Variants in IQCE observed in about 807,000 individuals in gnomAD.
IQCE encodes IQ motif containing E.
Under a neutral mutation model 96.0 loss-of-function variants are expected in IQCE, and 115 were observed. The ratio of observed to expected loss-of-function variants is 1.20; its 90% CI spans 1.03 to 1.40. The LOEUF (loss-of-function observed/expected upper bound fraction) is 1.40, where lower values mean the gene tolerates loss of function less well. IQCE is among the 40% of genes most tolerant of loss of function. IQCE has a pLI of 0.00. For synonymous variants in IQCE, 412 were observed against 371.2 expected, an observed-to-expected ratio of 1.11 and a Z score of -1.26; for missense variants, 1,041 against 909.1, an observed-to-expected ratio of 1.15 and a Z score of -1.87.
intron 2 of IQCE, among the ~76,000 whole-genome samples, chr7:2,567,506 G>A (rs1048547862): frequency 4.6e-5 from 7 of 152,308 alleles, no homozygotes; most frequent in South Asian, 2.1e-4. Context: ...GGAAGGACCC[G>A]ATGGGAGAAA....
chr7:2,577,336 T>C (rs968037161), intron 6 of IQCE, among the ~76,000 whole-genome samples: 1 of 128,758 alleles, frequency 7.8e-6, no homozygotes, highest in South Asian at 2.2e-4. Flanking sequence ...GTATACACAT[T>C]GGCGTGTGCG....
In IQCE at chr7:2,584,252, C is replaced by T. The variant is rs566140019; in HGVS notation, c.791C>T (p.Thr264Ile). Residue 264 changes from threonine (T) to isoleucine (I), a missense_variant, in exon 11 of 22, where the codon ACC becomes ATC. Physicochemically the swap from Thr to Ile is moderately conservative, Grantham distance 89. Coordinates refer to ENST00000402050, the MANE Select transcript of IQCE (RefSeq NM_152558.5). ...TATTTACAGGTGCATCGTCTCCAGA[C>T]CCTCTTGGCAAGTTCTGAAACCACC... Reference protein sequence around the residue: ...TYYEEVHRLQTLLASSETTGK... With the variant: ...TYYEEVHRLQILLASSETTGK... 6 of 1,613,916 alleles carry T rather than the reference C, an allele frequency of 3.7e-6. No individual in the cohort carries two copies. The highest frequency in any genetic ancestry group is 1.6e-4 in the Middle Eastern group (1 of 6,084).
chr7:2,583,842 C>A, intron 10 of IQCE, 133 bp downstream of exon 10: 1 of 68,066 alleles, frequency 1.5e-5, no homozygotes, highest in East Asian at 5.8e-4. Flanking sequence ...CCGAGCTGGG[C>A]GGCGGGGCGG....
chr7:2,594,788 C>T (rs1471137393), intron 15 of IQCE, 98 bp from the exon 16 acceptor site: 8 of 833,200 alleles, frequency 9.6e-6, no homozygotes, highest in Admixed American at 8.7e-5. Flanking sequence ...CTGGTGTCCC[C>T]CTGTCTCCGC....
chr7:2,594,508 C>T (rs1384107272), intron 15 of IQCE, among the ~76,000 whole-genome samples: 3 of 152,230 alleles, frequency 2.0e-5, no homozygotes, highest in Non-Finnish European at 4.4e-5. Flanking sequence ...GATCCTCTGG[C>T]CTTGGCCTCC....
At chr7:2,576,730 C>G (rs1268515007) in intron 6 of IQCE, among the ~76,000 whole-genome samples, 1 of 152,156 alleles carries the variant, frequency 6.6e-6, no homozygotes. Flanking sequence ...TCCCCACTCA[C>G]GTCACCACAA....
At chr7:2,606,753 C>T (rs556572560) in intron 20 of IQCE, among the ~76,000 whole-genome samples, 22 of 152,296 alleles carry the variant, frequency 1.4e-4, no homozygotes, top group Non-Finnish European at 2.8e-4. Flanking sequence ...CCCTGGGCGG[C>T]GAGCCCCAGC....
At chr7:2,597,496 G>A (rs770658695) in intron 16 of IQCE, among the ~76,000 whole-genome samples, 21 of 152,218 alleles carry the variant, frequency 1.4e-4, no homozygotes, top group Admixed American at 1.1e-3. Context: ...TGCGCCTGGC[G>A]CCTGGCCCGG....
intron 14 of IQCE, 29 bp from the exon 15 acceptor site, chr7:2,592,993 G>T (rs756232542): frequency 1.3e-6 from 2 of 1,568,724 alleles, no homozygotes; most frequent in Non-Finnish European, 1.7e-6. Context: ...TTTTGTGAAC[G>T]CTGACGAGTC....
intron 1 of IQCE, among the ~76,000 whole-genome samples, chr7:2,565,670 G>C (rs778613436): frequency 9.2e-5 from 14 of 152,122 alleles, no homozygotes; most frequent in Non-Finnish European, 1.8e-4. Flanking sequence ...TGTGTGTCCA[G>C]TTCCCGGCCT....
intron 15 of IQCE, among the ~76,000 whole-genome samples, chr7:2,593,761 G>A (rs866272096): frequency 2.0e-5 from 3 of 152,244 alleles, no homozygotes; most frequent in African/African-American, 7.2e-5. Context: ...CTTCCTTTCT[G>A]GGGCGATGTA....
At chr7:2,601,721 T>C (rs1431786570) in intron 18 of IQCE, 1 of 422,294 alleles carries the variant, frequency 2.4e-6, no homozygotes, top group Non-Finnish European at 4.3e-6. Flanking sequence ...AGCTAATTTT[T>C]GTATTTTTAG....
At chr7:2,560,680 G>T (rs1024202087) in intron 1 of IQCE, among the ~76,000 whole-genome samples, 2 of 151,184 alleles carry the variant, frequency 1.3e-5, no homozygotes, top group Non-Finnish European at 2.9e-5. Flanking sequence ...TCTCTTGGCC[G>T]GGCACGGCGG....
At chr7:2,587,348 C>T (rs747868906) in intron 12 of IQCE, among the ~76,000 whole-genome samples, 15 of 150,424 alleles carry the variant, frequency 1.0e-4, no homozygotes, top group African/African-American at 1.5e-4. Flanking sequence ...TTAGGTGGAT[C>T]GAGTGAGGTC....
rs961729042 is a variant in IQCE, at chr7:2,559,225, C to G, written c.36+8C>G. ...GAGCCGGCCTTGGACACGGTAAGAA[C>G]GGGCGAGGGGGCGACGCCGGGCGGG... is the stretch of plus-strand genomic sequence containing the variant. On this transcript the variant is annotated splice_region_variant and intron_variant, in intron 1 of 21. Coordinates refer to ENST00000402050, the MANE Select transcript of IQCE (RefSeq NM_152558.5). 2 of 1,203,542 alleles carry G rather than the reference C, an allele frequency of 1.7e-6. No individual in the cohort carries two copies. The highest frequency in any genetic ancestry group is 3.2e-5 in the African/African-American group (2 of 62,866). The allele number at this position is 1,203,542 out of a possible 1,614,324, so 74.6% of individuals were successfully genotyped here.
intron 11 of IQCE, among the ~76,000 whole-genome samples, chr7:2,585,746 C>G (rs1261592393): frequency 1.3e-5 from 2 of 152,226 alleles, no homozygotes. Context: ...GCAAGAATCC[C>G]CACAAAACCT....
At chr7:2,577,162 A>G (rs1782190646) in intron 6 of IQCE, among the ~76,000 whole-genome samples, 1 of 151,992 alleles carries the variant, frequency 6.6e-6, no homozygotes, top group South Asian at 2.1e-4. Context: ...AGCTTTCCAA[A>G]TCCCCCAGCT....
intron 16 of IQCE, among the ~76,000 whole-genome samples, chr7:2,596,567 G>T (rs1784057007): frequency 6.6e-6 from 1 of 152,242 alleles, no homozygotes; most frequent in Non-Finnish European, 1.5e-5. Flanking sequence ...TCAGCTCTCA[G>T]CATTCACATG....
chr7:2,586,533 C>T (rs527308321), intron 12 of IQCE, among the ~76,000 whole-genome samples, 162 bp downstream of exon 12: 150 of 152,380 alleles, frequency 9.8e-4, no homozygotes, highest in African/African-American at 3.6e-3. Context: ...CCGCGGGCCA[C>T]GCGATGCCCC....
Sources: allele counts gnomAD v4.1 joint callset (sites outside exome capture counted in the v4.1 genomes callset), GRCh38; gene constraint gnomAD v4.1.1; transcripts MANE v1.5; gene names NCBI Gene and HGNC (gene_info 2026-07-23, HGNC 2026-07-21).